The following ZFYVE9 variants were observed in gnomAD, a reference collection of about 807,000 sequenced individuals.
ZFYVE9 encodes the protein zinc finger FYVE-type containing 9, also known as zinc finger FYVE domain-containing protein 9.
A neutral mutation model predicts 126.7 loss-of-function variants in ZFYVE9; 43 were observed. That is an observed-to-expected ratio of 0.34 (90% CI 0.27 to 0.44). The LOEUF is 0.44. ZFYVE9 is among the 20% of genes least tolerant of loss of function. ZFYVE9 has a pLI of 1.00. For missense variants in ZFYVE9, 1,476 were observed against 1,697.0 expected (o/e 0.87, Z 2.29); for synonymous variants, 521 against 597.4 (o/e 0.87, Z 1.87).
At chr1:52,178,178 C>T (rs1435910262) in intron 1 of ZFYVE9, among the ~76,000 whole-genome samples, 1 of 145,990 alleles carries the variant, frequency 6.8e-6, no homozygotes, top group East Asian at 2.1e-4. Flanking sequence ...ACTTGGGAGG[C>T]TGAGGCAGGA....
chr1:52,329,367 T>TAAGAGCTAAACTAA (rs1553136837), intron 13 of ZFYVE9, among the ~76,000 whole-genome samples: 1 of 152,042 alleles, frequency 6.6e-6, no homozygotes, highest in Non-Finnish European at 1.5e-5. Flanking sequence ...ACAAACTAAA[T>TAAGAGCTAAACTAA]ATAAGAGCTA....
chr1:52,262,901 G>A (rs1040658157), intron 4 of ZFYVE9, among the ~76,000 whole-genome samples: 16 of 151,688 alleles, frequency 1.1e-4, no homozygotes, highest in Admixed American at 3.3e-4. Context: ...GTGAAACCCC[G>A]TCTCTTCTAA....
chr1:52,343,592 C>T (rs367814633), intron 17 of ZFYVE9, among the ~76,000 whole-genome samples: 2 of 151,402 alleles, frequency 1.3e-5, no homozygotes, highest in South Asian at 4.2e-4. Flanking sequence ...CCCGTCTCTA[C>T]TAAAAATATA....
intron 6 of ZFYVE9, among the ~76,000 whole-genome samples, chr1:52,267,975 T>C (rs1052193070): frequency 1.3e-5 from 2 of 152,238 alleles, no homozygotes; most frequent in Non-Finnish European, 2.9e-5. Flanking sequence ...GCTCTTCTGT[T>C]ATAAATGAAT....
intron 13 of ZFYVE9, among the ~76,000 whole-genome samples, chr1:52,319,818 T>G (rs1553135909): frequency 6.7e-6 from 1 of 149,104 alleles, no homozygotes; most frequent in Non-Finnish European, 1.5e-5. Flanking sequence ...ATCGAGACCA[T>G]CCTGGCCAAC....
At chr1:52,253,810 G>T in intron 4 of ZFYVE9, 1 of 1,583,282 alleles carries the variant, frequency 6.3e-7, no homozygotes, top group South Asian at 1.1e-5. Flanking sequence ...GCCTCATTTA[G>T]TGAACATCCA....
chr1:52,204,533 C>T (rs887672801), intron 1 of ZFYVE9, among the ~76,000 whole-genome samples: 1 of 152,054 alleles, frequency 6.6e-6, no homozygotes, highest in African/African-American at 2.4e-5. Context: ...TCAAGACCAG[C>T]CTGGCCAAAA....
At position 52,344,899 on chromosome 1, in the gene ZFYVE9, T is replaced by C; in HGVS notation, c.4071T>C (p.Asp1357=). ...CTCACCTGAAACTTCTGAAGGAAGA[T>C]GGAATGACCAAACTGGGACTACGTG... ...LCPHLKLLKE[D]GMTKLGLRVT... The change falls in exon 18 of 19, where the codon GAT becomes GAC. Residue 1357 remains aspartate (D), a synonymous_variant. Coordinates refer to ENST00000287727, the MANE Select transcript of ZFYVE9 (RefSeq NM_004799.4). 13 of 1,614,192 alleles carry C rather than the reference T, an allele frequency of 8.1e-6. No individual in the cohort carries two copies. Among genetic ancestry groups the C allele is most frequent in the Non-Finnish European group, 1.1e-5 (13 of 1,180,034 alleles).
Position 52,142,331 on chromosome 1 carries a change from C to G in ZFYVE9, c.-215C>G, listed in dbSNP as rs1477486957. Reference sequence around the variant, plus strand: ...GGCGGCGCCTGGGGCCGCGCCGGTGCCCTCCGGAGGAGGCTTTCGGCTCAG... The same window carrying G: ...GGCGGCGCCTGGGGCCGCGCCGGTGGCCTCCGGAGGAGGCTTTCGGCTCAG... On this transcript the variant is annotated 5_prime_UTR_variant, in exon 1 of 19. Coordinates refer to ENST00000287727, the MANE Select transcript of ZFYVE9 (RefSeq NM_004799.4). The surrounding 1 kb of genome is among the most constrained non-coding windows in gnomAD (Gnocchi z 4.5). The G allele has an allele frequency of 6.6e-6, 1 of 151,850 alleles. No homozygotes were observed. Among genetic ancestry groups the G allele is most frequent in the Non-Finnish European group, 1.5e-5 (1 of 67,980 alleles). 9.4% of individuals were successfully genotyped at this position (151,850 alleles called of 1,614,324 possible).
chr1:52,240,823 C>T (rs1645326052), intron 4 of ZFYVE9, among the ~76,000 whole-genome samples: 1 of 151,990 alleles, frequency 6.6e-6, no homozygotes, highest in African/African-American at 2.4e-5. Context: ...AATTTATTGG[C>T]CAATTTTAGA....
At chr1:52,262,517 A>G (rs1386386368) in intron 4 of ZFYVE9, among the ~76,000 whole-genome samples, 1 of 152,300 alleles carries the variant, frequency 6.6e-6, no homozygotes. Flanking sequence ...ATATCTCCCT[A>G]TATCACATTT....
chr1:52,301,851 T>C lies in ZFYVE9; in HGVS notation c.3334-1970T>C, dbSNP rs1029593829. Among the ~76,000 whole-genome samples the C allele has an allele frequency of 3.3e-5, 5 of 152,192 alleles. No homozygotes were observed. In the East Asian group the frequency reaches 9.6e-4, roughly 29 times the overall value. ...ACGTCTTACTAATGTTCTTTTTATT[T>C]CTTTTTCAGTCTTTTTTGTCTCTTG... On this transcript the variant is annotated intron_variant, in intron 12 of 18. Coordinates refer to ENST00000287727, the MANE Select transcript of ZFYVE9 (RefSeq NM_004799.4).
chr1:52,317,349 A>G (rs958884090), intron 13 of ZFYVE9, among the ~76,000 whole-genome samples: 1 of 151,852 alleles, frequency 6.6e-6, no homozygotes, highest in Non-Finnish European at 1.5e-5. Flanking sequence ...GTGAAACCCC[A>G]CCTCTACTAA....
chr1:52,218,087 G>A (rs184792434), intron 2 of ZFYVE9, among the ~76,000 whole-genome samples: 82 of 152,226 alleles, frequency 5.4e-4, no homozygotes, highest in African/African-American at 1.7e-3. Flanking sequence ...GGTACCCTCC[G>A]CAGGACCCTG....
At chr1:52,159,196 C>A (rs1644432489) in intron 1 of ZFYVE9, among the ~76,000 whole-genome samples, 1 of 152,206 alleles carries the variant, frequency 6.6e-6, no homozygotes, top group Non-Finnish European at 1.5e-5. Flanking sequence ...TGCGTGTTAA[C>A]ACTTGGGCCA....
chr1:52,186,465 G>T (rs1425166330), intron 1 of ZFYVE9, among the ~76,000 whole-genome samples: 1 of 152,106 alleles, frequency 6.6e-6, no homozygotes, highest in Non-Finnish European at 1.5e-5. Context: ...GGAAGTCCTG[G>T]CCAGGGAGAT....
intron 4 of ZFYVE9, among the ~76,000 whole-genome samples, chr1:52,240,998 A>G (rs780097548): frequency 2.5e-4 from 38 of 152,192 alleles, no homozygotes; most frequent in Non-Finnish European, 4.4e-4. Context: ...CTAATGTACT[A>G]CATGAGGACT....
intron 1 of ZFYVE9, chr1:52,150,334 A>G (rs1166728831): frequency 6.6e-6 from 1 of 152,236 alleles, no homozygotes; most frequent in Non-Finnish European, 1.5e-5. Context: ...GAGCAGCTCA[A>G]AACTCCCATG....
chr1:52,249,979 G>A (rs908753188), intron 4 of ZFYVE9, among the ~76,000 whole-genome samples: 58 of 152,218 alleles, frequency 3.8e-4, no homozygotes, highest in African/African-American at 1.4e-3. Context: ...CTTTATGTCT[G>A]TCTTTAATGT....
Sources: gnomAD v4.1 joint callset for allele counts (sites outside exome capture counted in the v4.1 genomes callset) on GRCh38, gnomAD v4.1.1 for gene constraint, Gnocchi (gnomAD v3.1) non-coding constraint, MANE v1.5 for transcripts, NCBI Gene and HGNC (gene_info 2026-07-23, HGNC 2026-07-21) for gene names.